The following ASIC2 variants were observed in gnomAD, a reference collection of about 807,000 sequenced individuals.
ASIC2 encodes acid sensing ion channel subunit 2.
ASIC2 carries 25 observed loss-of-function variants against 57.3 expected under a neutral mutation model. That is an observed-to-expected ratio of 0.44 (90% CI 0.32 to 0.61). The LOEUF is 0.61. Ranked by LOEUF, ASIC2 falls within the 20% of genes least tolerant of loss-of-function variation. The pLI is 0.06. For missense variants in ASIC2, 641 were observed against 738.1 expected (o/e 0.87, Z 1.52); for synonymous variants, 319 against 307.5 (o/e 1.04, Z -0.39).
intron 1 of ASIC2, among the ~76,000 whole-genome samples, chr17:33,325,727 T>C (rs1567823686): frequency 6.6e-6 from 1 of 152,028 alleles, no homozygotes; most frequent in East Asian, 1.9e-4. Flanking sequence ...TGGTAGAAGA[T>C]CATGGCTATA....
At chr17:34,087,673 A>T (rs1910161844) in intron 1 of ASIC2, among the ~76,000 whole-genome samples, 1 of 152,024 alleles carries the variant, frequency 6.6e-6, no homozygotes, top group South Asian at 2.1e-4. Flanking sequence ...ACTTTCAGGT[A>T]CACCAATCAG....
intron 1 of ASIC2, among the ~76,000 whole-genome samples, chr17:33,536,547 A>C (rs1044165670): frequency 3.3e-5 from 5 of 152,186 alleles, no homozygotes; most frequent in African/African-American, 1.2e-4. Context: ...ATATTTTCCA[A>C]GTTTCACCTT....
Position 33,013,237 on chromosome 17 carries a change from A to T in ASIC2, c.*728T>A, listed in dbSNP as rs2091787245. 6.6e-6 allele frequency: 1 copy of T among 152,362 alleles called. No individual in the cohort carries two copies. The highest frequency in any genetic ancestry group is 2.4e-5 in the African/African-American group (1 of 41,456). The allele number at this position is 152,362 out of a possible 1,614,324, so 9.4% of individuals were successfully genotyped here. ...GCAAAACAAAACAAATCTCCATCGG[A>T]CAAACATAAAAGCCCCCCTACCCCA... On this transcript the variant is annotated 3_prime_UTR_variant, in exon 10 of 10. Transcript: ENST00000225823.
At position 33,684,774 on chromosome 17, in the gene ASIC2, T is replaced by C. The variant is rs374541508; in HGVS notation, c.555+471204A>G. Among the ~76,000 whole-genome samples, 50 of 139,332 alleles carry C rather than the reference T, an allele frequency of 3.6e-4. No homozygotes were observed. In the East Asian group the frequency reaches 8.3e-3, roughly 23 times the overall value. The allele number at this position is 139,332 out of a possible 152,430, so 91.4% of individuals were successfully genotyped here. On this transcript the variant is annotated intron_variant, in intron 1 of 9. Transcript: ENST00000359872. ...TAATTGAGGAAATCATATCCACGTC[T>C]TTTTTTTTTTAATTGTTGAAAAGAT...
At chr17:33,952,190 G>A (rs536438732) in intron 1 of ASIC2, among the ~76,000 whole-genome samples, 2 of 152,296 alleles carry the variant, frequency 1.3e-5, no homozygotes, top group South Asian at 4.2e-4. Context: ...AACAATGAGT[G>A]AAGAGAAGTG....
rs145488399 is a variant in ASIC2, at chr17:34,008,254, A to T, written c.555+147724T>A. Among the ~76,000 whole-genome samples, 3 of 152,344 alleles carry T rather than the reference A, an allele frequency of 2.0e-5. No homozygotes were observed. In the East Asian group the frequency reaches 5.8e-4, roughly 29 times the overall value. On this transcript the variant is annotated intron_variant, in intron 1 of 9. Transcript: ENST00000359872. ...GATGGCACTATGTCAGAATGGAGAA[A>T]CTAAAGACCAGAAAGTTGAAATGAC...
chr17:33,078,653 G>T (rs939184602), intron 3 of ASIC2, among the ~76,000 whole-genome samples: 5 of 152,124 alleles, frequency 3.3e-5, no homozygotes, highest in Non-Finnish European at 7.3e-5. Context: ...GCCCAGGCTG[G>T]TCTCCAACTC....
chr17:33,897,387 G>A (rs1189179907), intron 1 of ASIC2, among the ~76,000 whole-genome samples: 3 of 152,144 alleles, frequency 2.0e-5, no homozygotes, highest in Non-Finnish European at 4.4e-5. Context: ...CCACCCCATT[G>A]CACTTTGCAC....
intron 1 of ASIC2, among the ~76,000 whole-genome samples, chr17:33,520,789 T>C (rs1198990333): frequency 6.6e-6 from 1 of 152,216 alleles, no homozygotes; most frequent in Non-Finnish European, 1.5e-5. Context: ...AGTTCTGAGA[T>C]AGCAGGGAGT....
At chr17:33,312,947 G>A (rs1190542303) in intron 1 of ASIC2, among the ~76,000 whole-genome samples, 1 of 152,190 alleles carries the variant, frequency 6.6e-6, no homozygotes, top group East Asian at 1.9e-4. Flanking sequence ...AAGAGAGTCA[G>A]TGTGGAAGCA....
intron 1 of ASIC2, among the ~76,000 whole-genome samples, chr17:33,823,247 C>T (rs1220718160): frequency 1.3e-5 from 2 of 152,206 alleles, no homozygotes; most frequent in Non-Finnish European, 2.9e-5. Flanking sequence ...AGATTTGAAC[C>T]CAAGCCTTCT....
intron 1 of ASIC2, among the ~76,000 whole-genome samples, chr17:33,298,665 A>G (rs1019627244): frequency 2.6e-5 from 4 of 152,186 alleles, no homozygotes; most frequent in Non-Finnish European, 5.9e-5. Flanking sequence ...TCCTTGAGGA[A>G]TCACCACACT....
intron 1 of ASIC2, among the ~76,000 whole-genome samples, chr17:33,220,860 G>A (rs1191970144): frequency 6.6e-6 from 1 of 152,072 alleles, no homozygotes; most frequent in Non-Finnish European, 1.5e-5. Flanking sequence ...TTGATCCCAG[G>A]AGTTTGAGAC....
intron 1 of ASIC2, among the ~76,000 whole-genome samples, chr17:33,890,829 G>A (rs1914943294): frequency 6.6e-6 from 1 of 152,056 alleles, no homozygotes; most frequent in South Asian, 2.1e-4. Flanking sequence ...TGAGTGTTAG[G>A]GGCCATTATG....
chr17:33,243,011 A>G (rs1189506397), intron 1 of ASIC2, among the ~76,000 whole-genome samples: 1 of 152,092 alleles, frequency 6.6e-6, no homozygotes, highest in Non-Finnish European at 1.5e-5. Context: ...CCGTGGCCAG[A>G]TGGACATGAT....
chr17:33,918,112 G>A (rs2141963265), intron 1 of ASIC2, among the ~76,000 whole-genome samples: 1 of 152,208 alleles, frequency 6.6e-6, no homozygotes, highest in East Asian at 1.9e-4. Flanking sequence ...CTACCTCCTT[G>A]ACTTTACTTA....
intron 3 of ASIC2, among the ~76,000 whole-genome samples, chr17:33,063,980 G>T (rs1308407378): frequency 6.6e-6 from 1 of 152,140 alleles, no homozygotes; most frequent in Admixed American, 6.5e-5. Context: ...CATTTGTCAC[G>T]TAGTTCTCGT....
At chr17:33,723,070 G>A (rs1423917016) in intron 1 of ASIC2, among the ~76,000 whole-genome samples, 3 of 152,108 alleles carry the variant, frequency 2.0e-5, no homozygotes, top group Non-Finnish European at 4.4e-5. Flanking sequence ...GATACACCCA[G>A]GAGGAATGGG....
At chr17:33,114,183 T>C (rs145010939) in intron 1 of ASIC2, among the ~76,000 whole-genome samples, 10 of 152,362 alleles carry the variant, frequency 6.6e-5, no homozygotes, top group Admixed American at 5.9e-4. Context: ...TTCAGCTTCA[T>C]GGCAGAGGAG....
Sources: allele counts gnomAD v4.1 joint callset (sites outside exome capture counted in the v4.1 genomes callset), GRCh38; gene constraint gnomAD v4.1.1; transcripts MANE v1.5; gene names NCBI Gene and HGNC (gene_info 2026-07-23, HGNC 2026-07-21).